GLIS1: variants seen among roughly 807,000 people sequenced by gnomAD.
GLIS1 encodes the protein zinc finger protein GLIS1.
A neutral mutation model predicts 63.8 loss-of-function variants in GLIS1; 24 were observed. The ratio of observed to expected loss-of-function variants is 0.38; its 90% CI spans 0.27 to 0.53. The LOEUF is 0.53. GLIS1 is among the 20% of genes least tolerant of loss of function. The pLI is 0.85. For missense variants in GLIS1, 1,036 were observed against 1,074.1 expected, an observed-to-expected ratio of 0.96 and a Z score of 0.50; for synonymous variants, 450 against 482.5, an observed-to-expected ratio of 0.93 and a Z score of 0.88.
Position 53,673,988 on chromosome 1 carries a change from A to T in GLIS1, c.259+63818T>A, listed in dbSNP as rs534765658. 1.2e-4 allele frequency among the ~76,000 whole-genome samples: 19 copies of T among 152,222 alleles called. No homozygotes were observed. In the East Asian group the frequency reaches 2.7e-3, roughly 22 times the overall value. ...GGAGTTCAAGACCAGCCTGACCAAC[A>T]TGGTGAAACCCCGTCTCTATGAAAA... On this transcript the variant is annotated intron_variant, in intron 2 of 10. Coordinates refer to ENST00000628545, the MANE Select transcript of GLIS1 (RefSeq NM_001367484.1).
intron 2 of GLIS1, among the ~76,000 whole-genome samples, chr1:53,663,061 C>T (rs1646046723): frequency 6.6e-6 from 1 of 152,114 alleles, no homozygotes; most frequent in African/African-American, 2.4e-5. Context: ...TGTCGCAGCT[C>T]TCCCACTGAG....
At chr1:53,718,060 G>A (rs975630587) in intron 2 of GLIS1, among the ~76,000 whole-genome samples, 2 of 152,190 alleles carry the variant, frequency 1.3e-5, no homozygotes, top group Admixed American at 6.5e-5. Flanking sequence ...GCTGTGCACC[G>A]GGGCCCAGCG....
chr1:53,629,328 C>T (rs1280659209), intron 2 of GLIS1, among the ~76,000 whole-genome samples: 1 of 152,194 alleles, frequency 6.6e-6, no homozygotes, highest in African/African-American at 2.4e-5. Flanking sequence ...CTGTGCTTCA[C>T]AGCCCATGAG....
intron 2 of GLIS1, among the ~76,000 whole-genome samples, chr1:53,684,222 T>C (rs1299477853): frequency 6.6e-6 from 1 of 152,086 alleles, no homozygotes; most frequent in African/African-American, 2.4e-5. Context: ...CAGCTCCTCC[T>C]ACCCTCTCTG....
chr1:53,723,943 G>C (rs370113822), intron 2 of GLIS1, among the ~76,000 whole-genome samples: 81 of 152,280 alleles, frequency 5.3e-4, no homozygotes, highest in African/African-American at 1.8e-3. Flanking sequence ...CCAGGGGTGA[G>C]CTGGCTCTGG....
intron 2 of GLIS1, among the ~76,000 whole-genome samples, chr1:53,631,560 A>T (rs1645652411): frequency 6.6e-6 from 1 of 152,286 alleles, no homozygotes; most frequent in Non-Finnish European, 1.5e-5. Flanking sequence ...TGAATAAAAC[A>T]GATAATAATC....
rs551482935 is a variant in GLIS1 at position 53,520,638 on chromosome 1, G to C, written c.1722C>G (p.Leu574=). 7 of 1,607,576 alleles carry C rather than the reference G, an allele frequency of 4.4e-6. No individual in the cohort carries two copies. The African/African-American group carries it at 5.3e-5, about 12-fold the overall frequency. The change falls in exon 7 of 11, where the codon CTC becomes CTG. Residue 574 remains leucine (L), a synonymous_variant. Coordinates refer to ENST00000628545, the MANE Select transcript of GLIS1 (RefSeq NM_001367484.1). ...KGGCGLGQEL[L]PGVYPGSITP... The stretch of plus-strand genomic sequence containing the variant: ...CCTGCCTCCCCGCACACGTACCTGG[G>C]AGCAGCTCCTGGCCCAGGCCACAGC...
intron 2 of GLIS1, among the ~76,000 whole-genome samples, chr1:53,622,226 G>C (rs1301012650): frequency 6.6e-6 from 1 of 150,872 alleles, no homozygotes; most frequent in African/African-American, 2.4e-5. Context: ...TCAGGAGTTC[G>C]AGACCAGCCT....
chr1:53,684,881 C>A (rs991220129), intron 2 of GLIS1, among the ~76,000 whole-genome samples: 5 of 152,150 alleles, frequency 3.3e-5, no homozygotes, highest in African/African-American at 1.2e-4. Flanking sequence ...TGGCTCTGCC[C>A]AGATCAGTGA....
At chr1:53,712,396 C>T (rs553151459) in intron 2 of GLIS1, among the ~76,000 whole-genome samples, 16 of 152,338 alleles carry the variant, frequency 1.1e-4, no homozygotes, top group African/African-American at 3.8e-4. Context: ...ATGCCTTCCT[C>T]CCTGCTCACC....
At chr1:53,662,138 A>G (rs1364933191) in intron 2 of GLIS1, among the ~76,000 whole-genome samples, 1 of 152,230 alleles carries the variant, frequency 6.6e-6, no homozygotes, top group Non-Finnish European at 1.5e-5. Context: ...AGGCCTCACA[A>G]GCTGGAAGAC....
intron 2 of GLIS1, among the ~76,000 whole-genome samples, chr1:53,618,238 T>A (rs1645503611): frequency 6.6e-6 from 1 of 152,210 alleles, no homozygotes; most frequent in African/African-American, 2.4e-5. Context: ...CCGCTGTAAG[T>A]GATCAGCTGC....
chr1:53,524,902 G>GCAC lies in GLIS1; in HGVS notation c.1483-18_1483-16dup. 3 of 1,580,924 alleles carry GCAC rather than the reference G, an allele frequency of 1.9e-6. No individual in the cohort carries two copies. Among genetic ancestry groups the GCAC allele is most frequent in the Non-Finnish European group, 2.6e-6 (3 of 1,151,052 alleles). Reference sequence around the variant, plus strand: ...GCGTACGGCTTCTGTAACATGGGGGGCACGGGTGGGGTGAGTGAGGCCCAT... The same window carrying GCAC: ...GCGTACGGCTTCTGTAACATGGGGGGCACCACGGGTGGGGTGAGTGAGGCCCAT... On this transcript the variant is annotated splice_polypyrimidine_tract_variant and intron_variant, in intron 5 of 10. Coordinates refer to ENST00000628545, the MANE Select transcript of GLIS1 (RefSeq NM_001367484.1).
At position 53,723,363 on chromosome 1, in the gene GLIS1, C is replaced by T. The variant is rs1005919459; in HGVS notation, c.259+14443G>A. On this transcript the variant is annotated intron_variant, in intron 2 of 10. Coordinates refer to ENST00000628545, the MANE Select transcript of GLIS1 (RefSeq NM_001367484.1). Reference sequence around the variant, plus strand: ...AAGCAATTCTCCTGCCTCAGCCTCCCGAGTAGCTGGGATCACAGGTGCGTG... The same window carrying T: ...AAGCAATTCTCCTGCCTCAGCCTCCTGAGTAGCTGGGATCACAGGTGCGTG... 2.9e-4 allele frequency among the ~76,000 whole-genome samples: 44 copies of T among 151,590 alleles called. 1 individual carries two copies. The East Asian group carries it at 3.3e-3, about 11-fold the overall frequency.
intron 4 of GLIS1, among the ~76,000 whole-genome samples, chr1:53,573,411 C>T (rs967694936): frequency 2.6e-5 from 4 of 152,158 alleles, no homozygotes; most frequent in Non-Finnish European, 5.9e-5. Context: ...CCCAATCCAG[C>T]CCACCCTTCT....
At chr1:53,703,713 C>G (rs1646548196) in intron 2 of GLIS1, among the ~76,000 whole-genome samples, 1 of 151,556 alleles carries the variant, frequency 6.6e-6, no homozygotes, top group African/African-American at 2.4e-5. Flanking sequence ...CAGCCCTTGA[C>G]CTAAAGAGAC....
intron 2 of GLIS1, among the ~76,000 whole-genome samples, chr1:53,663,270 T>G (rs192342919): frequency 3.9e-4 from 60 of 152,286 alleles, no homozygotes; most frequent in African/African-American, 1.4e-3. Flanking sequence ...GTTTCTAAAT[T>G]CCGGTACAGG....
chr1:53,547,449 C>G (rs776989973), intron 4 of GLIS1, among the ~76,000 whole-genome samples: 1 of 152,252 alleles, frequency 6.6e-6, no homozygotes, highest in African/African-American at 2.4e-5. Flanking sequence ...AGCACGGAAC[C>G]TGCCTGAGCT....
chr1:53,597,368 GAAA>G (rs529996482), intron 3 of GLIS1, among the ~76,000 whole-genome samples: 1 of 100,010 alleles, frequency 1.0e-5, no homozygotes, highest in East Asian at 3.0e-4. Context: ...GCGAGACCCA[GAAA>G]AAAAAAAAAA....
Sources: allele counts gnomAD v4.1 joint callset (sites outside exome capture counted in the v4.1 genomes callset), GRCh38; gene constraint gnomAD v4.1.1; transcripts MANE v1.5; gene names NCBI Gene and HGNC (gene_info 2026-07-23, HGNC 2026-07-21).